CIT: variants seen among roughly 807,000 people sequenced by gnomAD.
CIT encodes citron Rho-interacting kinase.
CIT carries 79 observed loss-of-function variants against 272.7 expected under a neutral mutation model. The ratio of observed to expected loss-of-function variants is 0.29; its 90% CI spans 0.24 to 0.35. The LOEUF is 0.35. Ranked by LOEUF, CIT falls within the 10% of genes least tolerant of loss-of-function variation. The pLI is 1.00. For synonymous variants in CIT, 948 were observed against 995.6 expected (o/e 0.95, Z 0.90); for missense variants, 1,909 against 2,618.3 (o/e 0.73, Z 5.91).
chr12:119,698,847 T>G (rs1487441453), intron 44 of CIT, among the ~76,000 whole-genome samples: 1 of 152,222 alleles, frequency 6.6e-6, no homozygotes, highest in Non-Finnish European at 1.5e-5. Context: ...AGCTTTTTTT[T>G]CTTTGGAGGA....
chr12:119,716,099 T>C (rs1035403400), intron 32 of CIT, among the ~76,000 whole-genome samples: 1 of 152,128 alleles, frequency 6.6e-6, no homozygotes, highest in African/African-American at 2.4e-5. Context: ...GCTCTTGGGC[T>C]GGGCACAGTG....
In CIT at chr12:119,713,803, AG is replaced by A. The variant is rs1405418854; in HGVS notation, c.4307-156del. 1 of 741,630 alleles carries A rather than the reference AG, an allele frequency of 1.3e-6. No homozygotes were observed. The highest frequency in any genetic ancestry group is 2.2e-6 in the Non-Finnish European group (1 of 451,946). 45.9% of individuals were successfully genotyped at this position (741,630 alleles called of 1,614,324 possible). On this transcript the variant is annotated intron_variant, in intron 33 of 47. Transcript: ENST00000392521. This position sits in a 1 kb window ranked among gnomAD's most constrained non-coding sequence, Gnocchi z 5.2. ...AGTCTCCTGAGCTTCCCCTGGTGCC[AG>A]GCCCCTGCAGAAAGGGAAAACAAAA...
At chr12:119,831,587 G>A (rs572836446) in intron 7 of CIT, among the ~76,000 whole-genome samples, 14 of 152,272 alleles carry the variant, frequency 9.2e-5, no homozygotes, top group Non-Finnish European at 1.8e-4. Flanking sequence ...AGAAAAAAAA[G>A]AGCCGGGCGC....
rs549353256 is a variant in CIT at position 119,844,602 on chromosome 12, T to A, written c.516+5572A>T. 6.4e-4 allele frequency among the ~76,000 whole-genome samples: 98 copies of A among 152,304 alleles called. 1 individual carries two copies. Among genetic ancestry groups the A allele is most frequent in the African/African-American group, 2.1e-3 (88 of 41,560 alleles). On this transcript the variant is annotated intron_variant, in intron 5 of 47. Coordinates refer to ENST00000392521, the MANE Select transcript of CIT (RefSeq NM_001206999.2). ...TGGCAGACGTATGAGCATATCTTAA[T>A]TTCCATGCTAAATTTGAGCTTTTAT...
chr12:119,708,409 T>C, intron 39 of CIT, 91 bp from the exon 40 acceptor site: 1 of 1,288,572 alleles, frequency 7.8e-7, no homozygotes, highest in Non-Finnish European at 1.0e-6. Context: ...CAAGTAAAAG[T>C]CACAAGAGGC....
intron 20 of CIT, among the ~76,000 whole-genome samples, chr12:119,758,946 C>T (rs1307158820): frequency 6.6e-6 from 1 of 152,206 alleles, no homozygotes; most frequent in Non-Finnish European, 1.5e-5. Flanking sequence ...ACATAAGGAC[C>T]TATTCAAGAA....
At chr12:119,869,319 C>T in intron 2 of CIT, 118 bp from the exon 3 acceptor site, 2 of 915,622 alleles carry the variant, frequency 2.2e-6, no homozygotes, top group South Asian at 1.9e-5. Context: ...GACATGCTAA[C>T]AGCACAATTC....
At chr12:119,811,281 G>A (rs535441320) in intron 9 of CIT, among the ~76,000 whole-genome samples, 2 of 152,210 alleles carry the variant, frequency 1.3e-5, no homozygotes, top group Non-Finnish European at 2.9e-5. Flanking sequence ...TCTAGTCTGG[G>A]TAACAAAGCA....
intron 12 of CIT, 96 bp downstream of exon 12, chr12:119,783,812 C>T (rs933343080): frequency 4.5e-5 from 64 of 1,420,566 alleles, no homozygotes; most frequent in Non-Finnish European, 6.0e-5. Flanking sequence ...CTGCCATTGG[C>T]TGTGATGTGC....
chr12:119,760,882 T>C (rs887556107), intron 20 of CIT, 57 bp downstream of exon 20: 6 of 1,086,602 alleles, frequency 5.5e-6, no homozygotes, highest in Admixed American at 3.4e-5. Flanking sequence ...GGGGTGATTC[T>C]TGGCATATTT....
At chr12:119,854,381 T>G (rs572998593) in intron 4 of CIT, among the ~76,000 whole-genome samples, 12 of 150,826 alleles carry the variant, frequency 8.0e-5, no homozygotes, top group Non-Finnish European at 1.6e-4. Flanking sequence ...CTCACGCCTG[T>G]AATCCCAGTA....
At chr12:119,803,097 C>G in intron 10 of CIT, 109 bp downstream of exon 10, 1 of 778,322 alleles carries the variant, frequency 1.3e-6, no homozygotes, top group Non-Finnish European at 1.9e-6. Flanking sequence ...CTAGCAGCTT[C>G]CCTCCACTGC....
intron 28 of CIT, among the ~76,000 whole-genome samples, chr12:119,727,377 C>G (rs2996029): frequency 0.53 from 79,870 of 152,056 alleles, 21,223 homozygotes; most frequent in Admixed American, 0.61. Context: ...ACTGCACATT[C>G]TCACTTACAA....
At chr12:119,745,374 C>CAAAAAACAAAAAAAAAA (rs1959208700) in intron 23 of CIT, among the ~76,000 whole-genome samples, 1 of 7,012 alleles carries the variant, frequency 1.4e-4, no homozygotes, top group Non-Finnish European at 2.9e-4. Flanking sequence ...AAGAAACAAG[C>CAAAAAACAAAAAAAAAA]AAAAAAAAAA....
rs75759691 is a variant in CIT, at chr12:119,766,567, A to G, written c.2304+520T>C. On this transcript the variant is annotated intron_variant, in intron 19 of 47. Coordinates refer to ENST00000392521, the MANE Select transcript of CIT (RefSeq NM_001206999.2). Reference sequence around the variant, plus strand: ...TGAACAAGACCTAGTATTTGAGAGTACAGTAGGATGACTACAGTCAATAGT... The same window carrying G: ...TGAACAAGACCTAGTATTTGAGAGTGCAGTAGGATGACTACAGTCAATAGT... 2.0e-3 allele frequency among the ~76,000 whole-genome samples: 310 copies of G among 152,352 alleles called. 2 individuals are homozygous for G. Among genetic ancestry groups the G allele is most frequent in the Non-Finnish European group, 3.7e-3 (254 of 68,038 alleles).
chr12:119,811,993 T>C (rs899730587), intron 9 of CIT, among the ~76,000 whole-genome samples: 3 of 151,296 alleles, frequency 2.0e-5, no homozygotes, highest in Admixed American at 2.0e-4. Flanking sequence ...TTGCCCAGGT[T>C]GGAGTGCAGT....
At position 119,713,303 on chromosome 12, in the gene CIT, A is replaced by T. The variant is rs756972060; in HGVS notation, c.4488-9T>A. 1.9e-6 allele frequency: 3 copies of T among 1,613,276 alleles called. No homozygotes were observed. The highest frequency in any genetic ancestry group is 2.2e-5 in the East Asian group (1 of 44,870). On this transcript the variant is annotated splice_polypyrimidine_tract_variant and intron_variant, in intron 34 of 47. Transcript: ENST00000392521. The surrounding 1 kb of genome is among the most constrained non-coding windows in gnomAD (Gnocchi z 5.2). Reference sequence around the variant, plus strand: ...GTCCTCGTTTGTTATTCCTGGGGAAAGAAAGATGGAAAAGAAAAATGTCTG... The same window carrying T: ...GTCCTCGTTTGTTATTCCTGGGGAATGAAAGATGGAAAAGAAAAATGTCTG...
chr12:119,780,347 A>G (rs753242429), intron 13 of CIT, among the ~76,000 whole-genome samples: 11 of 152,200 alleles, frequency 7.2e-5, no homozygotes, highest in Non-Finnish European at 1.5e-4. Context: ...GGCCAGGTGC[A>G]GTGGCTCATG....
At chr12:119,854,404 A>G (rs57336895) in intron 4 of CIT, among the ~76,000 whole-genome samples, 8,724 of 150,378 alleles carry the variant, frequency 0.058, 527 homozygotes, top group African/African-American at 0.16. Context: ...TTGAGAGGCT[A>G]AAGTGGGCAG....
Sources: gnomAD v4.1 joint callset for allele counts (sites outside exome capture counted in the v4.1 genomes callset) on GRCh38, gnomAD v4.1.1 for gene constraint, Gnocchi (gnomAD v3.1) non-coding constraint, MANE v1.5 for transcripts, NCBI Gene and HGNC (gene_info 2026-07-23, HGNC 2026-07-21) for gene names.